The following SDK2 variants were observed in gnomAD, a reference collection of about 807,000 sequenced individuals.
SDK2 encodes the protein protein sidekick-2.
A neutral mutation model predicts 253.9 loss-of-function variants in SDK2; 105 were observed. That is an observed-to-expected ratio of 0.41 (90% confidence interval 0.35 to 0.49). The LOEUF (loss-of-function observed/expected upper bound fraction) is 0.49. Among genes scored for constraint, SDK2 ranks in the 20% least tolerant of loss-of-function variants. The pLI is 0.06. For missense variants in SDK2, 2,608 were observed against 3,003.0 expected (o/e 0.87, Z 3.07); for synonymous variants, 1,249 against 1,234.9 (o/e 1.01, Z -0.24).
At chr17:73,369,774 G>A (rs1258144540) in intron 36 of SDK2, among the ~76,000 whole-genome samples, 9 of 152,250 alleles carry the variant, frequency 5.9e-5, no homozygotes, top group Admixed American at 2.6e-4. Context: ...AGCCTCCCGA[G>A]TAGCTGGGAC....
chr17:73,498,305 G>A (rs912888000), intron 2 of SDK2, among the ~76,000 whole-genome samples: 1 of 152,142 alleles, frequency 6.6e-6, no homozygotes, highest in Non-Finnish European at 1.5e-5. Flanking sequence ...GCTCCTGTTC[G>A]CCTCTTTCTG....
At chr17:73,429,242 C>A (rs2063307292) in intron 12 of SDK2, among the ~76,000 whole-genome samples, 1 of 152,058 alleles carries the variant, frequency 6.6e-6, no homozygotes, top group Non-Finnish European at 1.5e-5. Context: ...GGGTTCTCTC[C>A]CAGGACCTTT....
chr17:73,393,031 G>C (rs2062940657), intron 27 of SDK2, among the ~76,000 whole-genome samples: 1 of 151,988 alleles, frequency 6.6e-6, no homozygotes, highest in Non-Finnish European at 1.5e-5. Flanking sequence ...GATTGCCTGA[G>C]GTCAGGAGTT....
At chr17:73,470,924 A>G (rs2063645135) in intron 3 of SDK2, among the ~76,000 whole-genome samples, 1 of 152,204 alleles carries the variant, frequency 6.6e-6, no homozygotes, top group South Asian at 2.1e-4. Context: ...TTTCTAGAAG[A>G]CAGCAGATAT....
intron 2 of SDK2, among the ~76,000 whole-genome samples, chr17:73,478,560 G>A (rs2063701730): frequency 6.6e-6 from 1 of 152,214 alleles, no homozygotes; most frequent in Non-Finnish European, 1.5e-5. Context: ...GAAGAGATGA[G>A]CTCAGGGTGG....
chr17:73,639,509 G>C lies in SDK2; in HGVS notation c.64+4516C>G, dbSNP rs546468464. On this transcript the variant is annotated intron_variant, in intron 1 of 44. Coordinates refer to ENST00000392650, the MANE Select transcript of SDK2 (RefSeq NM_001144952.2). The surrounding 1 kb of genome is among the most constrained non-coding windows in gnomAD (Gnocchi z 4.3). ...CCATTACAGGCAGTGGGCTGCAGCC[G>C]CCAGTTGCTGCTGGCCCATTTGTTG... Among the ~76,000 whole-genome samples, 9 of 152,320 alleles carry C rather than the reference G, an allele frequency of 5.9e-5. No homozygotes were observed. The highest frequency in any genetic ancestry group is 2.2e-4 in the African/African-American group (9 of 41,586).
chr17:73,367,656 C>T (rs1364099514), intron 37 of SDK2, among the ~76,000 whole-genome samples: 1 of 152,120 alleles, frequency 6.6e-6, no homozygotes. Flanking sequence ...GCACGTACCA[C>T]CATGCCTGGA....
chr17:73,399,231 G>T lies in SDK2; in HGVS notation c.3030C>A (p.Thr1010=), dbSNP rs2062999540. 1 of 1,613,944 alleles carries T rather than the reference G, an allele frequency of 6.2e-7. No homozygotes were observed. The highest frequency in any genetic ancestry group is 8.5e-7 in the Non-Finnish European group (1 of 1,179,862). ...GISNIGPRSV[T]LQFRPGYDGK... ...CATCGTAGCCTGGCCTGAACTGCAA[G>T]GTCACAGAGCGGGGGCCGATGTTGG... Residue 1010 remains threonine (T), a synonymous_variant, in exon 22 of 45, where the codon ACC becomes ACA. Coordinates refer to ENST00000392650, the MANE Select transcript of SDK2 (RefSeq NM_001144952.2).
intron 1 of SDK2, among the ~76,000 whole-genome samples, chr17:73,594,507 A>G (rs2045726294): frequency 6.6e-6 from 1 of 151,970 alleles, no homozygotes; most frequent in Admixed American, 6.6e-5. Context: ...GAGAGAGAGA[A>G]TATATTAGAT....
At chr17:73,554,423 C>G (rs1274828530) in intron 1 of SDK2, among the ~76,000 whole-genome samples, 1 of 152,148 alleles carries the variant, frequency 6.6e-6, no homozygotes, top group African/African-American at 2.4e-5. Flanking sequence ...GGGCCCTAAT[C>G]CCATGTGGCT....
chr17:73,578,709 T>C (rs550701074), intron 1 of SDK2, among the ~76,000 whole-genome samples: 1 of 152,188 alleles, frequency 6.6e-6, no homozygotes, highest in African/African-American at 2.4e-5. Context: ...GGATTGGGGT[T>C]GGGCCAACAG....
Position 73,401,644 on chromosome 17 carries a change from C to CA in SDK2, c.2779+9dup, listed in dbSNP as rs775080595. Reference sequence around the variant, plus strand: ...CCTGCCCTCTGGTTCAGAAACACTGCAGTGCCTACCTGTGAGGATGCCATT... The same window carrying CA: ...CCTGCCCTCTGGTTCAGAAACACTGCAAGTGCCTACCTGTGAGGATGCCATT... On this transcript the variant is annotated intron_variant, in intron 20 of 44. Transcript: ENST00000392650. 2 of 1,575,908 alleles carry CA rather than the reference C, an allele frequency of 1.3e-6. No homozygotes were observed.
intron 18 of SDK2, among the ~76,000 whole-genome samples, chr17:73,405,353 T>G (rs2063063199): frequency 7.8e-6 from 1 of 128,146 alleles, no homozygotes; most frequent in South Asian, 2.7e-4. Flanking sequence ...GGCAGGAGAA[T>G]TGCTTGAAAC....
intron 1 of SDK2, among the ~76,000 whole-genome samples, chr17:73,598,914 G>A (rs954497576): frequency 1.3e-4 from 20 of 152,220 alleles, no homozygotes; most frequent in African/African-American, 3.9e-4. Flanking sequence ...GGCACCAAGC[G>A]CCGGCTTGCT....
rs1156282113 is a variant in SDK2 at position 73,511,592 on chromosome 17, C to A, written c.65-3995G>T. 6.6e-6 allele frequency among the ~76,000 whole-genome samples: 1 copy of A among 152,114 alleles called. No individual in the cohort carries two copies. Among genetic ancestry groups the A allele is most frequent in the Admixed American group, 6.5e-5 (1 of 15,284 alleles). ...CCCTGAGAGCCTGCTGGGTACCAGG[C>A]CCTGGGCTGGGGGCTCCACATCCCT... On this transcript the variant is annotated intron_variant, in intron 1 of 44. Coordinates refer to ENST00000392650, the MANE Select transcript of SDK2 (RefSeq NM_001144952.2). The surrounding 1 kb of genome is among the most constrained non-coding windows in gnomAD (Gnocchi z 4.9).
At chr17:73,593,899 C>T (rs530190589) in intron 1 of SDK2, among the ~76,000 whole-genome samples, 2 of 152,270 alleles carry the variant, frequency 1.3e-5, no homozygotes, top group South Asian at 2.1e-4. Flanking sequence ...GCCATGTGGC[C>T]GAGTCTGTGT....
intron 1 of SDK2, among the ~76,000 whole-genome samples, chr17:73,542,970 A>G (rs1366991156): frequency 1.3e-5 from 2 of 152,108 alleles, no homozygotes; most frequent in Non-Finnish European, 2.9e-5. Context: ...GATTGGTGTG[A>G]GTCCTGGGAT....
chr17:73,418,010 G>GTTTTTTTTTTTTTTTTTTTTTTTTTTTT (rs397689294), intron 16 of SDK2, among the ~76,000 whole-genome samples: 5 of 128,258 alleles, frequency 3.9e-5, no homozygotes, highest in African/African-American at 5.8e-5. Flanking sequence ...TCCTAGATGA[G>GTTTTTTTTTTTTTTTTTTTTTTTTTTTT]TTTTTTTTTT....
chr17:73,440,687 C>T, intron 6 of SDK2, 125 bp downstream of exon 6: 1 of 735,164 alleles, frequency 1.4e-6, no homozygotes, highest in African/African-American at 1.7e-5. Context: ...GGTCTCCTTG[C>T]ATCCCTCCTC....
Sources: gnomAD v4.1 joint callset for allele counts (sites outside exome capture counted in the v4.1 genomes callset) on GRCh38, gnomAD v4.1.1 for gene constraint, Gnocchi (gnomAD v3.1) non-coding constraint, MANE v1.5 for transcripts, NCBI Gene and HGNC (gene_info 2026-07-23, HGNC 2026-07-21) for gene names.